CLMN: variants seen among roughly 807,000 people sequenced by gnomAD.
CLMN encodes the protein calmin.
Under a neutral mutation model 92.7 loss-of-function variants are expected in CLMN, and 57 were observed. The observed-to-expected ratio is 0.61, with a 90% CI of 0.50 to 0.77. The LOEUF (loss-of-function observed/expected upper bound fraction) is 0.77, where lower values mean the gene tolerates loss of function less well. Ranked by LOEUF, CLMN falls within the 30% of genes least tolerant of loss-of-function variation. The pLI is 0.00. For synonymous variants in CLMN, 466 were observed against 470.6 expected (o/e 0.99, Z 0.13); for missense variants, 1,158 against 1,237.5 (o/e 0.94, Z 0.96).
chr14:95,309,673 G>T (rs1237087579), intron 1 of CLMN, among the ~76,000 whole-genome samples: 1 of 152,092 alleles, frequency 6.6e-6, no homozygotes, highest in African/African-American at 2.4e-5. Flanking sequence ...GCAGCCCTAT[G>T]ACCACAGCCC....
rs1896514414 is a variant in CLMN at position 95,189,515 on chromosome 14, G to C, written c.*2049C>G. 6.6e-6 allele frequency: 1 copy of C among 152,064 alleles called. No homozygotes were observed. Among genetic ancestry groups the C allele is most frequent in the African/African-American group, 2.4e-5 (1 of 41,394 alleles). The allele number at this position is 152,064 out of a possible 1,614,324, so 9.4% of individuals were successfully genotyped here. A position where few individuals can be genotyped will look rare whatever the true frequency, so the allele number is the denominator to read the frequency against. ...GCCAACCTGAACCAAATGACTTTCA[G>C]GCATCTTGCCAGTAGATGTTTTAAA... is the stretch of plus-strand genomic sequence containing the variant. On this transcript the variant is annotated 3_prime_UTR_variant, in exon 13 of 13. Coordinates refer to ENST00000298912, the MANE Select transcript of CLMN (RefSeq NM_024734.4).
intron 9 of CLMN, among the ~76,000 whole-genome samples, chr14:95,199,628 G>A (rs1316184635): frequency 1.3e-5 from 2 of 152,158 alleles, no homozygotes; most frequent in African/African-American, 4.8e-5. Flanking sequence ...ACACTCTCTC[G>A]GGAGAGAAAA....
chr14:95,210,484 T>C (rs1175979066), intron 7 of CLMN, among the ~76,000 whole-genome samples: 1 of 152,136 alleles, frequency 6.6e-6, no homozygotes, highest in Admixed American at 6.5e-5. Context: ...ATATATACAG[T>C]AAATGATAAC....
At chr14:95,284,566 T>A (rs1041220009) in intron 1 of CLMN, among the ~76,000 whole-genome samples, 1 of 152,190 alleles carries the variant, frequency 6.6e-6, no homozygotes, top group Non-Finnish European at 1.5e-5. Flanking sequence ...CCCAAGACCA[T>A]GGGAACCCAC....
In CLMN at chr14:95,230,108, C is replaced by G; in HGVS notation, c.108G>C (p.Arg36Ser). Residue 36 changes from arginine (R) to serine (S), a missense_variant, in exon 2 of 13, where the codon AGG (arginine) becomes AGC (serine). Arg to Ser is a moderately radical substitution (Grantham distance 110). Transcript: ENST00000298912. ...GTAGATTTATCCATCGTGTAAAGGT[C>G]CTCTTCTGCACATTTTCCCTCTCAA... ...LQVERENVQK[R>S]TFTRWINLHL... 1.9e-6 allele frequency: 3 copies of G among 1,614,216 alleles called. No individual in the cohort carries two copies. The highest frequency in any genetic ancestry group is 2.5e-6 in the Non-Finnish European group (3 of 1,180,038).
chr14:95,222,077 T>A lies in CLMN; in HGVS notation c.241-303A>T, dbSNP rs181762727. On this transcript the variant is annotated intron_variant, in intron 3 of 12. Transcript: ENST00000298912. ...TCAGCAAGGGACAAATTTGTCAATTTTTTTCTCTGGGACCCAGCTCCTGGC... is the reference window on the plus strand; with the variant it reads ...TCAGCAAGGGACAAATTTGTCAATTATTTTCTCTGGGACCCAGCTCCTGGC... 2.0e-5 allele frequency among the ~76,000 whole-genome samples: 3 copies of A among 152,192 alleles called. 1 individual carries two copies. In the East Asian group the frequency reaches 5.8e-4, roughly 29 times the overall value.
chr14:95,262,272 G>A (rs1899287724), intron 1 of CLMN, among the ~76,000 whole-genome samples: 1 of 152,148 alleles, frequency 6.6e-6, no homozygotes, highest in Admixed American at 6.5e-5. Context: ...TTTTTGGCCT[G>A]GCTACTGAAA....
At position 95,194,919 on chromosome 14, in the gene CLMN, G is replaced by T. The variant is rs1896660985; in HGVS notation, c.2709-323C>A. Among the ~76,000 whole-genome samples the T allele has an allele frequency of 6.6e-6, 1 of 152,228 alleles. No individual in the cohort carries two copies. The highest frequency in any genetic ancestry group is 1.5e-5 in the Non-Finnish European group (1 of 68,044). On this transcript the variant is annotated intron_variant, in intron 10 of 12. Coordinates refer to ENST00000298912, the MANE Select transcript of CLMN (RefSeq NM_024734.4). The surrounding 1 kb of genome is among the most constrained non-coding windows in gnomAD (Gnocchi z 4.0). ...GGAAGTAACCCAAGCATCCTGATGT[G>T]CTGGGACTCACCAGAGGTTCTCTGC...
At chr14:95,193,730 A>G in intron 12 of CLMN, 119 bp downstream of exon 12, 3 of 1,248,336 alleles carry the variant, frequency 2.4e-6, no homozygotes, top group Non-Finnish European at 2.2e-6. Context: ...GCATTATCCC[A>G]AATTATTAAT....
At chr14:95,239,167 G>C (rs1256268261) in intron 1 of CLMN, among the ~76,000 whole-genome samples, 1 of 152,216 alleles carries the variant, frequency 6.6e-6, no homozygotes, top group Non-Finnish European at 1.5e-5. Context: ...AGACTGCCCT[G>C]AAGCGCCCGG....
At chr14:95,296,441 TTC>T (rs1271763219) in intron 1 of CLMN, among the ~76,000 whole-genome samples, 3 of 152,214 alleles carry the variant, frequency 2.0e-5, no homozygotes, top group Non-Finnish European at 4.4e-5. Flanking sequence ...CAAATAACCA[TTC>T]TCTCTTTCCT....
intron 1 of CLMN, among the ~76,000 whole-genome samples, chr14:95,236,472 G>A (rs1349038358): frequency 1.3e-5 from 2 of 152,206 alleles, no homozygotes; most frequent in African/African-American, 2.4e-5. Context: ...ATCCCGCAAT[G>A]CCTGGAGATG....
In CLMN at chr14:95,319,835, C is replaced by G; in HGVS notation, c.-43G>C. Reference sequence around the variant, plus strand: ...GCCCGGGCCAGCGCGGCGCGGGCGGCGGGCGCGGAGAGCCTGGCTGGCGGG... The same window carrying G: ...GCCCGGGCCAGCGCGGCGCGGGCGGGGGGCGCGGAGAGCCTGGCTGGCGGG... On this transcript the variant is annotated 5_prime_UTR_variant, in exon 1 of 13. Coordinates refer to ENST00000298912, the MANE Select transcript of CLMN (RefSeq NM_024734.4). The G allele has an allele frequency of 8.0e-7, 1 of 1,244,074 alleles. No individual in the cohort carries two copies. The allele number at this position is 1,244,074 out of a possible 1,614,324, so 77.1% of individuals were successfully genotyped here.
chr14:95,222,682 C>T (rs1897585066), intron 3 of CLMN: 7 of 446,346 alleles, frequency 1.6e-5, no homozygotes, highest in Admixed American at 1.5e-4. Flanking sequence ...TTTTGGGGAC[C>T]GTGCTCATGG....
chr14:95,201,482 G>A (rs1896879493), intron 9 of CLMN, among the ~76,000 whole-genome samples: 1 of 151,762 alleles, frequency 6.6e-6, no homozygotes, highest in Admixed American at 6.6e-5. Flanking sequence ...CTGGGTGATG[G>A]GGTCATGAAG....
chr14:95,213,644 C>T (rs538616491), intron 5 of CLMN, among the ~76,000 whole-genome samples: 3 of 152,182 alleles, frequency 2.0e-5, no homozygotes, highest in African/African-American at 7.2e-5. Context: ...TAGGGAGGAC[C>T]GTCTTTTCCT....
At chr14:95,279,686 G>A (rs751263210) in intron 1 of CLMN, among the ~76,000 whole-genome samples, 64 of 152,242 alleles carry the variant, frequency 4.2e-4, no homozygotes, top group Non-Finnish European at 7.8e-4. Flanking sequence ...GGGAGGATGA[G>A]GCAGGAGAAT....
chr14:95,245,183 T>TA (rs1237192003), intron 1 of CLMN, among the ~76,000 whole-genome samples: 2 of 42,228 alleles, frequency 4.7e-5, no homozygotes, highest in Non-Finnish European at 7.7e-5. Context: ...ATTATATATA[T>TA]ATATATATAT....
intron 1 of CLMN, among the ~76,000 whole-genome samples, chr14:95,249,758 A>C (rs535968003): frequency 6.6e-6 from 1 of 151,756 alleles, no homozygotes; most frequent in Non-Finnish European, 1.5e-5. Flanking sequence ...CACCCAGCTA[A>C]TTTTTTTTGT....
Sources: gnomAD v4.1 joint callset for allele counts (sites outside exome capture counted in the v4.1 genomes callset) on GRCh38, gnomAD v4.1.1 for gene constraint, Gnocchi (gnomAD v3.1) non-coding constraint, MANE v1.5 for transcripts, NCBI Gene and HGNC (gene_info 2026-07-23, HGNC 2026-07-21) for gene names.